Variants in CDHR1 observed in about 807,000 individuals in gnomAD.
The protein encoded by CDHR1 is cadherin related family member 1, also known as cadherin-related family member 1.
A neutral mutation model predicts 72.1 loss-of-function variants in CDHR1; 61 were observed. That is an observed-to-expected ratio of 0.85 (90% CI 0.69 to 1.05). The LOEUF (loss-of-function observed/expected upper bound fraction) is 1.05, where lower values mean the gene tolerates loss of function less well. Ranked by LOEUF, CDHR1 falls within the 50% of genes least tolerant of loss-of-function variation. CDHR1 has a pLI of 0.00. For synonymous variants in CDHR1, 470 were observed against 448.1 expected, an observed-to-expected ratio of 1.05 and a Z score of -0.62; for missense variants, 1,186 against 1,115.7, an observed-to-expected ratio of 1.06 and a Z score of -0.90.
chr10:84,196,892 G>C (rs1464995775), intron 3 of CDHR1, among the ~76,000 whole-genome samples: 3 of 152,206 alleles, frequency 2.0e-5, no homozygotes, highest in Admixed American at 6.5e-5. Flanking sequence ...GCACCTGCCA[G>C]CCCTGCTAAT....
chr10:84,201,141 C>T (rs182936799), intron 6 of CDHR1, among the ~76,000 whole-genome samples: 6 of 152,352 alleles, frequency 3.9e-5, no homozygotes, highest in Non-Finnish European at 7.3e-5. Context: ...TGACCTTCAG[C>T]GCGTTATCTA....
Position 84,198,969 on chromosome 10 carries a change from C to T in CDHR1, c.349-63C>T, listed in dbSNP as rs913849659. 11 of 1,231,242 alleles carry T rather than the reference C, an allele frequency of 8.9e-6. No homozygotes were observed. The African/African-American group carries it at 1.5e-4, about 17-fold the overall frequency. The allele number at this position is 1,231,242 out of a possible 1,614,324, so 76.3% of individuals were successfully genotyped here. ...GTGTACATTGGAGTGATAGAGGTCGCTATCCATTCATCCTTCAGAAGGTCT... is the reference window on the plus strand; with the variant it reads ...GTGTACATTGGAGTGATAGAGGTCGTTATCCATTCATCCTTCAGAAGGTCT... On this transcript the variant is annotated intron_variant, in intron 4 of 16. Coordinates refer to ENST00000623527, the MANE Select transcript of CDHR1 (RefSeq NM_033100.4).
rs1235603542 is a variant in CDHR1, at chr10:84,196,534, G to C, written c.181G>C (p.Asp61His). The change falls in exon 3 of 17, where the codon GAC becomes CAC. Residue 61 changes from aspartate to histidine, a missense_variant. Transcript: ENST00000623527. Reference protein sequence around the residue: ...GSHVYTLNGTDPEGDPISYHI... With the variant: ...GSHVYTLNGTHPEGDPISYHI... ...TCACGTATACACCCTGAATGGGACA[G>C]ACCCTGAGGGAGACCCCATCTCCTA... is the stretch of plus-strand genomic sequence containing the variant. The C allele has an allele frequency of 6.2e-7, 1 of 1,614,224 alleles. No individual in the cohort carries two copies. The highest frequency in any genetic ancestry group is 2.2e-5 in the East Asian group (1 of 44,894).
chr10:84,217,114 C>T lies in CDHR1; in HGVS notation c.*2493C>T, dbSNP rs113121685. ...GAGGGTGCAGCCAAACTTAAGGCAC[C>T]GGCAAGTGTTGTCAGCACTGGAGGA... On this transcript the variant is annotated 3_prime_UTR_variant, in exon 17 of 17. Transcript: ENST00000623527. 334 of 985,566 alleles carry T rather than the reference C, an allele frequency of 3.4e-4. 2 individuals are homozygous for T. The highest frequency in any genetic ancestry group is 1.7e-3 in the African/African-American group (97 of 57,348). The allele number at this position is 985,566 out of a possible 1,614,324, so 61.1% of individuals were successfully genotyped here. A position where few individuals can be genotyped will look rare whatever the true frequency, so the allele number is the denominator to read the frequency against.
At chr10:84,206,387 T>G (rs2132816087) in intron 10 of CDHR1, among the ~76,000 whole-genome samples, 1 of 152,364 alleles carries the variant, frequency 6.6e-6, no homozygotes, top group African/African-American at 2.4e-5. Flanking sequence ...GGTATGGATC[T>G]GTCGCTAGAG....
chr10:84,214,903 C>T lies in CDHR1; in HGVS notation c.*282C>T. ...TCCTTGGCACTACTACAATGCCCTCCATTCTTCAGGGCTGAGAATTGACGA... is the reference window on the plus strand; with the variant it reads ...TCCTTGGCACTACTACAATGCCCTCTATTCTTCAGGGCTGAGAATTGACGA... On this transcript the variant is annotated 3_prime_UTR_variant, in exon 17 of 17. Coordinates refer to ENST00000623527, the MANE Select transcript of CDHR1 (RefSeq NM_033100.4). The T allele has an allele frequency of 1.4e-6, 2 of 1,382,000 alleles. No homozygotes were observed. Among genetic ancestry groups the T allele is most frequent in the Non-Finnish European group, 1.9e-6 (2 of 1,067,148 alleles). 85.6% of individuals were successfully genotyped at this position (1,382,000 alleles called of 1,614,324 possible). A position where few individuals can be genotyped will look rare whatever the true frequency, so the allele number is the denominator to read the frequency against.
At position 84,212,188 on chromosome 10, in the gene CDHR1, CCACCCATCCACTGGGCTTATCTA is replaced by C. The variant is rs749438546; in HGVS notation, c.1570_1592del (p.Ser524AlafsTer4). 1.2e-6 allele frequency: 2 copies of C among 1,613,856 alleles called. No individual in the cohort carries two copies. The highest frequency in any genetic ancestry group is 1.7e-6 in the Non-Finnish European group (2 of 1,179,970). On this transcript the variant is annotated frameshift_variant, in exon 15 of 17. Transcript: ENST00000623527. LOFTEE classifies it high-confidence loss of function. ...GTGCTCTGCCTGGCAGCTTCCTGATCCACCCATCCACTGGGCTTATCTACACCCAGCCCTGGGCTAGCCTGGAC... is the reference window on the plus strand; with the variant it reads ...GTGCTCTGCCTGGCAGCTTCCTGATCCACCCAGCCCTGGGCTAGCCTGGAC...
At chr10:84,204,813 A>G (rs997575984) in intron 9 of CDHR1, among the ~76,000 whole-genome samples, 1 of 152,164 alleles carries the variant, frequency 6.6e-6, no homozygotes, top group Non-Finnish European at 1.5e-5. Flanking sequence ...CCAAGAGAGC[A>G]TGGGGCAGGG....
intron 9 of CDHR1, among the ~76,000 whole-genome samples, chr10:84,205,061 GC>G (rs1280108954): frequency 6.6e-6 from 1 of 152,194 alleles, no homozygotes; most frequent in Non-Finnish European, 1.5e-5. Flanking sequence ...GTTCAGAGAA[GC>G]TGAGTAGGCA....
At chr10:84,199,483 C>T (rs1842085479) in intron 5 of CDHR1, among the ~76,000 whole-genome samples, 2 of 152,064 alleles carry the variant, frequency 1.3e-5, no homozygotes, top group African/African-American at 4.8e-5. Context: ...TGTGATTATA[C>T]TAAACATATG....
At chr10:84,204,120 CCT>C (rs1181697846) in intron 8 of CDHR1, among the ~76,000 whole-genome samples, 1 of 152,286 alleles carries the variant, frequency 6.6e-6, no homozygotes, top group East Asian at 1.9e-4. Context: ...TGAGGCCTGG[CCT>C]CTCTCCCACC....
chr10:84,212,110 C>G, intron 14 of CDHR1, 69 bp from the exon 15 acceptor site: 3 of 1,344,010 alleles, frequency 2.2e-6, no homozygotes, highest in Non-Finnish European at 3.2e-6. Context: ...CTCATTATTG[C>G]AGGCATGTGT....
intron 10 of CDHR1, among the ~76,000 whole-genome samples, chr10:84,206,834 G>T (rs948557398): frequency 2.6e-5 from 4 of 152,222 alleles, no homozygotes; most frequent in Admixed American, 2.0e-4. Context: ...CTAGATGAGA[G>T]GTAGAGCCAT....
chr10:84,196,013 G>T (rs915373713), intron 2 of CDHR1, among the ~76,000 whole-genome samples: 1 of 152,178 alleles, frequency 6.6e-6, no homozygotes, highest in Admixed American at 6.5e-5. Context: ...GTGGGAACCC[G>T]GGGAAAAGGG....
chr10:84,196,811 C>T (rs1239881929), intron 3 of CDHR1, among the ~76,000 whole-genome samples, 161 bp downstream of exon 3: 1 of 152,246 alleles, frequency 6.6e-6, no homozygotes, highest in Non-Finnish European at 1.5e-5. Flanking sequence ...TGGGCCACTT[C>T]CCATCAGCAG....
In CDHR1 at chr10:84,195,565, A is replaced by G. The variant is rs759952644; in HGVS notation, c.127A>G (p.Ser43Gly). 3 of 1,614,106 alleles carry G rather than the reference A, an allele frequency of 1.9e-6. No individual in the cohort carries two copies. Among genetic ancestry groups the G allele is most frequent in the Non-Finnish European group, 2.5e-6 (3 of 1,179,982 alleles). The change falls in exon 2 of 17, where the codon AGC becomes GGC. Residue 43 changes from serine to glycine, a missense_variant. Coordinates refer to ENST00000623527, the MANE Select transcript of CDHR1 (RefSeq NM_033100.4). ...GSTNGNMALFSLPEDTPVGSH... is the reference protein window; with the variant it reads ...GSTNGNMALFGLPEDTPVGSH... ...CACCAACGGAAACATGGCTCTGTTC[A>G]GCCTCCCAGAGGACACCCCTGTAGG...
chr10:84,201,268 CG>C (rs1448295488), intron 6 of CDHR1, among the ~76,000 whole-genome samples: 10 of 152,318 alleles, frequency 6.6e-5, no homozygotes, highest in African/African-American at 2.4e-4. Context: ...CTGGCACAAG[CG>C]CCTGACACTA....
At chr10:84,219,179 G>A (rs202193542), downstream of CDHR1, 4 of 1,550,556 alleles carry the variant, frequency 2.6e-6, no homozygotes, top group Admixed American at 2.0e-5. Flanking sequence ...TCCAGCCAGG[G>A]TCTGTTCTTG....
At position 84,218,027 on chromosome 10, in the gene CDHR1, G is replaced by A. The variant is rs967797906; in HGVS notation, c.*3406G>A. The A allele has an allele frequency of 3.9e-5, 38 of 985,308 alleles. No homozygotes were observed. The highest frequency in any genetic ancestry group is 4.3e-5 in the Non-Finnish European group (36 of 829,916). 61.0% of individuals were successfully genotyped at this position (985,308 alleles called of 1,614,324 possible). A position where few individuals can be genotyped will look rare whatever the true frequency, so the allele number is the denominator to read the frequency against. On this transcript the variant is annotated 3_prime_UTR_variant, in exon 17 of 17. Transcript: ENST00000623527. Reference sequence around the variant, plus strand: ...GGTGATTCTATTTTTAGGGACTGAAGGCGTTGAGGGAATCCAAGGCCAGTC... The same window carrying A: ...GGTGATTCTATTTTTAGGGACTGAAAGCGTTGAGGGAATCCAAGGCCAGTC...
Sources: gnomAD v4.1 joint callset for allele counts (sites outside exome capture counted in the v4.1 genomes callset) on GRCh38, gnomAD v4.1.1 for gene constraint, MANE v1.5 for transcripts, NCBI Gene and HGNC (gene_info 2026-07-23, HGNC 2026-07-21) for gene names.